The following EXPH5 variants were observed in gnomAD, a reference collection of about 807,000 sequenced individuals.
The protein encoded by EXPH5 is exophilin 5, also known as exophilin-5.
In EXPH5, 42 loss-of-function variants were observed where a neutral mutation model predicts 41.1. The observed-to-expected ratio is 1.02, with a 90% confidence interval of 0.80 to 1.32. EXPH5 has a LOEUF of 1.32. Among genes scored for constraint, EXPH5 ranks in the 40% most tolerant of loss-of-function variants. The pLI, the probability that EXPH5 is intolerant of heterozygous loss-of-function variation, is 0.00. For missense variants in EXPH5, 2,298 were observed against 2,314.5 expected (o/e 0.99, Z 0.15); for synonymous variants, 798 against 833.5 (o/e 0.96, Z 0.73).
chr11:108,579,851 T>C (rs2094092420), intron 1 of EXPH5, among the ~76,000 whole-genome samples: 1 of 151,396 alleles, frequency 6.6e-6, no homozygotes. Flanking sequence ...GTTTGAGGAG[T>C]AGGAAAAGGG....
At chr11:108,531,100 T>C (rs534662024) in intron 3 of EXPH5, among the ~76,000 whole-genome samples, 56 of 152,330 alleles carry the variant, frequency 3.7e-4, no homozygotes, top group African/African-American at 7.0e-4. Context: ...ACAAGTTCTA[T>C]TGATGCTGTA....
chr11:108,528,304 C>T, intron 3 of EXPH5, 120 bp from the exon 4 acceptor site: 1 of 663,024 alleles, frequency 1.5e-6, no homozygotes, highest in Admixed American at 2.6e-5. Context: ...TTCTAATTCA[C>T]TGTAGAAAGA....
At chr11:108,591,587 T>A (rs1009861339) in intron 1 of EXPH5, among the ~76,000 whole-genome samples, 1 of 152,262 alleles carries the variant, frequency 6.6e-6, no homozygotes, top group South Asian at 2.1e-4. Context: ...ATAATTAGTA[T>A]AATACAGTAT....
At chr11:108,527,400 A>G (rs1303991073) in intron 4 of EXPH5, among the ~76,000 whole-genome samples, 3 of 147,572 alleles carry the variant, frequency 2.0e-5, no homozygotes, top group Non-Finnish European at 4.6e-5. Flanking sequence ...AGAGGGAGGG[A>G]GAGAGAGAGA....
Position 108,514,261 on chromosome 11 carries a change from C to T in EXPH5, c.1246G>A (p.Glu416Lys), listed in dbSNP as rs2093706329. ...TAAACATTCTGTGAATGGTACGATT[C>T]ATATCTCTTATTCTCCTGAAAACCC... ...PRGFQENKRY[E>K]SYHSQNVYQR... The change falls in exon 6 of 6, where the codon GAA (glutamate) becomes AAA (lysine). Residue 416 changes from glutamate to lysine, a missense_variant. Glu to Lys is a moderately conservative substitution (Grantham distance 56). Transcript: ENST00000265843. 3 of 1,614,040 alleles carry T rather than the reference C, an allele frequency of 1.9e-6. No individual in the cohort carries two copies. The highest frequency in any genetic ancestry group is 1.7e-6 in the Non-Finnish European group (2 of 1,180,034).
chr11:108,539,231 T>G, intron 2 of EXPH5, 45 bp from the exon 3 acceptor site: 1 of 1,346,448 alleles, frequency 7.4e-7, no homozygotes, highest in Non-Finnish European at 1.0e-6. Flanking sequence ...TACTTCCAAG[T>G]AAATATACTT....
At chr11:108,541,929 G>C (rs912446239) in intron 1 of EXPH5, 117 bp from the exon 2 acceptor site, 9 of 776,378 alleles carry the variant, frequency 1.2e-5, no homozygotes, top group Non-Finnish European at 1.8e-5. Context: ...CCAGGCTGGA[G>C]TGCAGTGGCA....
At chr11:108,577,894 T>A (rs964413139) in intron 1 of EXPH5, among the ~76,000 whole-genome samples, 8 of 152,190 alleles carry the variant, frequency 5.3e-5, no homozygotes, top group Non-Finnish European at 1.0e-4. Flanking sequence ...ATTTGATTTT[T>A]TTTTGCTATT....
Position 108,510,030 on chromosome 11 carries a change from A to AT in EXPH5, c.5476dup (p.Ile1826AsnfsTer2). ...GGTCAGTCGACTCAGGGCATTGTCA[A>AT]TAGAAGTGCTTTCAGAAAAATGGCG... is the stretch of plus-strand genomic sequence containing the variant. On this transcript the variant is annotated frameshift_variant, in exon 6 of 6. Transcript: ENST00000265843. LOFTEE classifies it high-confidence loss of function. 6.2e-7 allele frequency: 1 copy of AT among 1,613,262 alleles called. No homozygotes were observed. The highest frequency in any genetic ancestry group is 2.2e-5 in the East Asian group (1 of 44,874).
chr11:108,602,547 GC>G, the EXPH5 span, among the ~76,000 whole-genome samples: 2 of 147,092 alleles, frequency 1.4e-5, no homozygotes, highest in Non-Finnish European at 3.0e-5. Context: ...CACTAAAACT[GC>G]CTTTTTTTTT....
chr11:108,588,954 T>C (rs1196404304), intron 1 of EXPH5, among the ~76,000 whole-genome samples: 11 of 152,170 alleles, frequency 7.2e-5, no homozygotes, highest in Non-Finnish European at 1.0e-4. Context: ...TTGGATGCCA[T>C]TGGAAAGTGC....
chr11:108,583,299 G>A lies in EXPH5; in HGVS notation c.119+10119C>T, dbSNP rs183765630. 7.6e-4 allele frequency among the ~76,000 whole-genome samples: 116 copies of A among 151,662 alleles called. 1 individual carries two copies. The highest frequency in any genetic ancestry group is 2.7e-3 in the African/African-American group (112 of 41,332). On this transcript the variant is annotated intron_variant, in intron 1 of 5. Transcript: ENST00000265843. The stretch of plus-strand genomic sequence containing the variant: ...CGGGAGGCTGAGGCAGGAGAATGGC[G>A]TGAACCCGAGTGCAGTGAGCTGAGA...
intron 1 of EXPH5, among the ~76,000 whole-genome samples, chr11:108,551,197 G>A (rs558791163): frequency 6.6e-6 from 1 of 152,314 alleles, no homozygotes; most frequent in African/African-American, 2.4e-5. Flanking sequence ...ACGCCTCTGA[G>A]TCTAAAACCC....
intron 3 of EXPH5, among the ~76,000 whole-genome samples, chr11:108,528,536 T>C (rs2093814931): frequency 6.6e-6 from 1 of 152,154 alleles, no homozygotes; most frequent in Non-Finnish European, 1.5e-5. Flanking sequence ...TTCATTTAGA[T>C]ACATCACTCT....
chr11:108,590,207 C>A (rs1230615252), intron 1 of EXPH5, among the ~76,000 whole-genome samples: 2 of 152,152 alleles, frequency 1.3e-5, no homozygotes. Flanking sequence ...TTCATTCCAA[C>A]CCTCACCAAC....
intron 1 of EXPH5, among the ~76,000 whole-genome samples, chr11:108,566,071 T>A (rs1040587883): frequency 6.6e-6 from 1 of 152,232 alleles, no homozygotes; most frequent in Non-Finnish European, 1.5e-5. Flanking sequence ...GAAAAAGATA[T>A]GTACAAAGTA....
intron 3 of EXPH5, among the ~76,000 whole-genome samples, chr11:108,535,453 C>G (rs2093873019): frequency 6.6e-6 from 1 of 152,142 alleles, no homozygotes; most frequent in Non-Finnish European, 1.5e-5. Flanking sequence ...CTTTCTCTGA[C>G]TTCTCCTGCA....
Position 108,512,470 on chromosome 11 carries a change from A to C in EXPH5, c.3037T>G (p.Ser1013Ala). ...GTACAATAAATTGTGTCAAGTTCAG[A>C]AACTTTGGAATTGCTTTGATTTGCT... ...IEANQSNSKV[S>A]ELDTIYCTLP... Residue 1013 changes from serine to alanine, a missense_variant, in exon 6 of 6, where the codon TCT becomes GCT. Coordinates refer to ENST00000265843, the MANE Select transcript of EXPH5 (RefSeq NM_015065.3). 6.2e-7 allele frequency: 1 copy of C among 1,614,022 alleles called. No homozygotes were observed. Among genetic ancestry groups the C allele is most frequent in the Non-Finnish European group, 8.5e-7 (1 of 1,180,000 alleles).
intron 1 of EXPH5, among the ~76,000 whole-genome samples, chr11:108,563,253 C>T (rs1308393746): frequency 2.0e-5 from 3 of 152,174 alleles, no homozygotes; most frequent in East Asian, 1.9e-4. Context: ...AAACTGGGGC[C>T]TGCCAGTTGC....
Sources: allele counts gnomAD v4.1 joint callset (sites outside exome capture counted in the v4.1 genomes callset), GRCh38; gene constraint gnomAD v4.1.1; transcripts MANE v1.5; gene names NCBI Gene and HGNC (gene_info 2026-07-23, HGNC 2026-07-21).